Variants in BCAS3 observed in about 807,000 individuals in gnomAD.
The protein encoded by BCAS3 is BCAS4/BCAS3 fusion.
In BCAS3, 53 loss-of-function variants were observed where a neutral mutation model predicts 116.1. The ratio of observed to expected loss-of-function variants is 0.46; its 90% CI spans 0.37 to 0.57. The LOEUF (loss-of-function observed/expected upper bound fraction) is 0.57. Ranked by LOEUF, BCAS3 falls within the 20% of genes least tolerant of loss-of-function variation. The probability of loss-of-function intolerance (pLI) is 0.00; values close to 1 mark genes in which losing one functional copy is unlikely to be tolerated. For synonymous variants in BCAS3, 391 were observed against 408.2 expected (o/e 0.96, Z 0.51); for missense variants, 917 against 1,165.4 (o/e 0.79, Z 3.10).
chr17:61,283,079 TG>T (rs1486731651), intron 22 of BCAS3, among the ~76,000 whole-genome samples: 8 of 152,264 alleles, frequency 5.3e-5, no homozygotes, highest in African/African-American at 1.2e-4. Context: ...AAAGTTGTGT[TG>T]TTTTTTTTGC....
At position 61,013,032 on chromosome 17, in the gene BCAS3, C is replaced by G. The variant is rs1021574672; in HGVS notation, c.1487-2719C>G. Among the ~76,000 whole-genome samples, 1 of 152,016 alleles carries G rather than the reference C, an allele frequency of 6.6e-6. No homozygotes were observed. The highest frequency in any genetic ancestry group is 2.4e-5 in the African/African-American group (1 of 41,424). On this transcript the variant is annotated intron_variant, in intron 15 of 23. Coordinates refer to ENST00000407086, the MANE Select transcript of BCAS3 (RefSeq NM_017679.5). The surrounding 1 kb of genome is among the most constrained non-coding windows in gnomAD (Gnocchi z 4.4). ...TAATGGCATCCCTTTATACCACTCTCCCCTCACGTTATCCTTCATGCCCAG... is the reference window on the plus strand; with the variant it reads ...TAATGGCATCCCTTTATACCACTCTGCCCTCACGTTATCCTTCATGCCCAG...
At chr17:60,780,891 T>C (rs2045765868) in intron 6 of BCAS3, among the ~76,000 whole-genome samples, 1 of 152,226 alleles carries the variant, frequency 6.6e-6, no homozygotes, top group Admixed American at 6.5e-5. Context: ...GATATTTTGT[T>C]AGATGTACAT....
Position 61,105,981 on chromosome 17 carries a change from C to T in BCAS3, c.2425+21417C>T, listed in dbSNP as rs980837579. Among the ~76,000 whole-genome samples the T allele has an allele frequency of 3.2e-4, 49 of 152,266 alleles. No individual in the cohort carries two copies. Among genetic ancestry groups the T allele is most frequent in the African/African-American group, 1.1e-3 (46 of 41,550 alleles). On this transcript the variant is annotated intron_variant, in intron 22 of 23. Transcript: ENST00000407086. The surrounding 1 kb of genome is among the most constrained non-coding windows in gnomAD (Gnocchi z 4.3). ...ATCCCTCCCAGACCGTGAATCATCC[C>T]TTTGTCTGGCATCTCCAGGCTGTCT...
Position 60,961,350 on chromosome 17 carries a change from C to G in BCAS3, c.1221+13998C>G, listed in dbSNP as rs2061403597. Among the ~76,000 whole-genome samples, 1 of 152,042 alleles carries G rather than the reference C, an allele frequency of 6.6e-6. No individual in the cohort carries two copies. The highest frequency in any genetic ancestry group is 6.5e-5 in the Admixed American group (1 of 15,272). ...TACATGATTCTGGCGGCTGGCTAGG[C>G]TAGTCTGAAATCAGTAGGGCTGGCC... On this transcript the variant is annotated intron_variant, in intron 14 of 23. Coordinates refer to ENST00000407086, the MANE Select transcript of BCAS3 (RefSeq NM_017679.5). This position sits in a 1 kb window ranked among gnomAD's most constrained non-coding sequence, Gnocchi z 4.8.
intron 19 of BCAS3, among the ~76,000 whole-genome samples, chr17:61,060,943 G>GAAGATC (rs2069958236): frequency 1.3e-5 from 2 of 152,260 alleles, no homozygotes; most frequent in South Asian, 4.1e-4. Flanking sequence ...AGTAGGCAAG[G>GAAGATC]AAGATCAAGC....
At position 61,015,845 on chromosome 17, in the gene BCAS3, G is replaced by A. The variant is rs758428932; in HGVS notation, c.1581G>A (p.Met527Ile). The A allele has an allele frequency of 3.7e-6, 6 of 1,613,940 alleles. No homozygotes were observed. Among genetic ancestry groups the A allele is most frequent in the African/African-American group, 2.7e-5 (2 of 74,910 alleles). ...LSPLPSLMVVMPLAQIKQPMT... is the reference protein window; with the variant it reads ...LSPLPSLMVVIPLAQIKQPMT... ...CTCTTCCCAGCTTGATGGTAGTGAT[G>A]CCTCTTGCACAAATCAAGCAGCCAA... is the stretch of plus-strand genomic sequence containing the variant. Residue 527 changes from methionine (M) to isoleucine (I), a missense_variant, in exon 16 of 24, where the codon ATG (methionine) becomes ATA (isoleucine). This residue lies in a region of BCAS3 where 807 missense variants were observed against 1,026.0 expected (regional missense o/e 0.79). Coordinates refer to ENST00000407086, the MANE Select transcript of BCAS3 (RefSeq NM_017679.5).
In BCAS3 at chr17:61,249,289, A is replaced by G. The variant is rs2144538743; in HGVS notation, c.2426-119038A>G. On this transcript the variant is annotated intron_variant, in intron 22 of 23. Transcript: ENST00000407086. This position sits in a 1 kb window ranked among gnomAD's most constrained non-coding sequence, Gnocchi z 6.2. ...GCAACAAGAGTGAAACTCCATCTCAAAAATAAATAAATAAAATAAAATAGA... is the reference window on the plus strand; with the variant it reads ...GCAACAAGAGTGAAACTCCATCTCAGAAATAAATAAATAAAATAAAATAGA... Among the ~76,000 whole-genome samples, 1 of 152,334 alleles carries G rather than the reference A, an allele frequency of 6.6e-6. No individual in the cohort carries two copies. The highest frequency in any genetic ancestry group is 1.5e-5 in the Non-Finnish European group (1 of 68,040).
intron 7 of BCAS3, among the ~76,000 whole-genome samples, chr17:60,832,489 A>G (rs1337468417): frequency 1.3e-5 from 2 of 152,174 alleles, no homozygotes; most frequent in East Asian, 3.9e-4. Flanking sequence ...AAATAGAGTA[A>G]TTGTTTGCAT....
In BCAS3 at chr17:61,258,587, G is replaced by T. The variant is rs974438880; in HGVS notation, c.2426-109740G>T. ...GTAAAGTGCCTGGCACAAAACAGGC[G>T]CTTAATAAATGTTAGACTGTTCCCC... On this transcript the variant is annotated intron_variant, in intron 22 of 23. Transcript: ENST00000407086. This position sits in a 1 kb window ranked among gnomAD's most constrained non-coding sequence, Gnocchi z 4.7. Among the ~76,000 whole-genome samples the T allele has an allele frequency of 6.6e-6, 1 of 152,228 alleles. No individual in the cohort carries two copies. The highest frequency in any genetic ancestry group is 1.5e-5 in the Non-Finnish European group (1 of 68,040).
chr17:60,754,193 C>T (rs930054424), intron 6 of BCAS3, among the ~76,000 whole-genome samples: 6 of 151,740 alleles, frequency 4.0e-5, no homozygotes, highest in African/African-American at 1.2e-4. Context: ...AGCCGCCATA[C>T]CTGACTTCTT....
rs1432342240 is a variant in BCAS3 at position 61,316,051 on chromosome 17, T to A, written c.2426-52276T>A. Among the ~76,000 whole-genome samples, 1 of 152,146 alleles carries A rather than the reference T, an allele frequency of 6.6e-6. No individual in the cohort carries two copies. Among genetic ancestry groups the A allele is most frequent in the Non-Finnish European group, 1.5e-5 (1 of 68,028 alleles). On this transcript the variant is annotated intron_variant, in intron 22 of 23. Coordinates refer to ENST00000407086, the MANE Select transcript of BCAS3 (RefSeq NM_017679.5). The surrounding 1 kb of genome is among the most constrained non-coding windows in gnomAD (Gnocchi z 5.8). ...CAGGCGTGGTGGCTCACACCTTTGA[T>A]CCCAGCATTTTGGGAAGTCGAGGCA...
chr17:60,903,019 G>C (rs913440176), intron 11 of BCAS3, among the ~76,000 whole-genome samples: 1 of 152,140 alleles, frequency 6.6e-6, no homozygotes, highest in Non-Finnish European at 1.5e-5. Context: ...ATGAAAACTT[G>C]AGTCAGTCCC....
intron 7 of BCAS3, among the ~76,000 whole-genome samples, chr17:60,817,038 G>A (rs890911822): frequency 6.6e-6 from 1 of 152,136 alleles, no homozygotes; most frequent in Non-Finnish European, 1.5e-5. Flanking sequence ...TGCATAATTA[G>A]CTCTCACCAA....
At chr17:60,951,419 A>G (rs567708572) in intron 14 of BCAS3, among the ~76,000 whole-genome samples, 5 of 152,212 alleles carry the variant, frequency 3.3e-5, no homozygotes, top group South Asian at 4.1e-4. Flanking sequence ...ATTTTAGACA[A>G]TCTTGAACTA....
At chr17:61,089,715 A>G (rs1440831685) in intron 22 of BCAS3, among the ~76,000 whole-genome samples, 1 of 151,470 alleles carries the variant, frequency 6.6e-6, no homozygotes, top group Non-Finnish European at 1.5e-5. Flanking sequence ...TATTTTTAGT[A>G]GAGTCGGGGT....
rs917305043 is a variant in BCAS3 at position 61,387,933 on chromosome 17, AC to A, written c.2594-4043del. Among the ~76,000 whole-genome samples, 5 of 151,530 alleles carry A rather than the reference AC, an allele frequency of 3.3e-5. No homozygotes were observed. The highest frequency in any genetic ancestry group is 7.3e-5 in the African/African-American group (3 of 41,194). ...GGGTCTAGCCACTTGCCTGGAAGCC[AC>A]TCCTCCTCTCCTGCCCTACTTTGGG... On this transcript the variant is annotated intron_variant, in intron 23 of 23. Coordinates refer to ENST00000407086, the MANE Select transcript of BCAS3 (RefSeq NM_017679.5). This position sits in a 1 kb window ranked among gnomAD's most constrained non-coding sequence, Gnocchi z 6.2.
intron 6 of BCAS3, among the ~76,000 whole-genome samples, chr17:60,755,488 A>G (rs1231143955): frequency 6.6e-6 from 1 of 152,230 alleles, no homozygotes; most frequent in East Asian, 1.9e-4. Context: ...AGCACATAAT[A>G]TAAAAAAGAA....
intron 6 of BCAS3, among the ~76,000 whole-genome samples, chr17:60,782,202 GCA>G (rs1235019152): frequency 6.6e-6 from 1 of 152,220 alleles, no homozygotes; most frequent in Non-Finnish European, 1.5e-5. Context: ...ATAGCTTGCA[GCA>G]CAGTGTGAGA....
chr17:60,777,354 G>T (rs2045400538), intron 6 of BCAS3, among the ~76,000 whole-genome samples: 1 of 152,168 alleles, frequency 6.6e-6, no homozygotes, highest in African/African-American at 2.4e-5. Flanking sequence ...GCCCAGCGTG[G>T]TGCCTCATGC....
Sources: allele counts gnomAD v4.1 joint callset (sites outside exome capture counted in the v4.1 genomes callset), GRCh38; gene constraint gnomAD v4.1.1; regional missense constraint gnomAD v4.1.1; non-coding constraint Gnocchi (gnomAD v3.1); transcripts MANE v1.5; gene names NCBI Gene and HGNC (gene_info 2026-07-23, HGNC 2026-07-21).